The following OPN5 variants were observed in gnomAD, a reference collection of about 807,000 sequenced individuals.
OPN5 encodes opsin-5.
In OPN5, 18 loss-of-function variants were observed where a neutral mutation model predicts 41.7. That is an observed-to-expected ratio of 0.43 (90% CI 0.30 to 0.64). The LOEUF (loss-of-function observed/expected upper bound fraction) is 0.64, where lower values mean the gene tolerates loss of function less well. OPN5 is among the 30% of genes least tolerant of loss of function. The probability of loss-of-function intolerance (pLI) is 0.13; values close to 1 mark genes in which losing one functional copy is unlikely to be tolerated. For missense variants in OPN5, 318 were observed against 434.5 expected, an observed-to-expected ratio of 0.73 and a Z score of 2.38; for synonymous variants, 178 against 164.3, an observed-to-expected ratio of 1.08 and a Z score of -0.64.
exon 5 of OPN5, chr6:47,808,229 G>A (rs765041131): frequency 1.9e-6 from 3 of 1,613,854 alleles, no homozygotes. Flanking sequence ...GTCAGCTTTT[G>A]GAAGGCCAGA....
At chr6:47,797,031 T>C (rs1215041516) in intron 4 of OPN5, among the ~76,000 whole-genome samples, 1 of 152,282 alleles carries the variant, frequency 6.6e-6, no homozygotes, top group East Asian at 1.9e-4. Flanking sequence ...CTTGTGAGAC[T>C]TATTCACTAT....
chr6:47,790,914 C>T (rs1354505438), intron 2 of OPN5, among the ~76,000 whole-genome samples: 2 of 152,152 alleles, frequency 1.3e-5, no homozygotes, highest in African/African-American at 2.4e-5. Context: ...CCATATTCCT[C>T]CTAGAAGGAT....
At chr6:47,787,048 G>C in intron 2 of OPN5, 12 of 988,548 alleles carry the variant, frequency 1.2e-5, no homozygotes, top group Non-Finnish European at 1.4e-5. Flanking sequence ...AATCTTGAAG[G>C]GTAAATGACA....
In OPN5 at chr6:47,795,636, C is replaced by T. The variant is rs1773532041; in HGVS notation, c.756+73C>T. The stretch of plus-strand genomic sequence containing the variant: ...TTCATAGGGTACAAAGGATAGGGAA[C>T]GTTGGAGACTGAGAGAACTTAGAAT... On this transcript the variant is annotated intron_variant, in intron 4 of 6. Transcript: ENST00000371211. 2.1e-5 allele frequency: 21 copies of T among 1,013,144 alleles called. No homozygotes were observed. The South Asian group carries it at 2.4e-4, about 11-fold the overall frequency. The allele number at this position is 1,013,144 out of a possible 1,614,324, so 62.8% of individuals were successfully genotyped here.
At chr6:47,823,993 A>G (rs750613516) in exon 7 of OPN5, 2 of 1,550,128 alleles carry the variant, frequency 1.3e-6, no homozygotes, top group South Asian at 2.4e-5. Context: ...TGGGAATAAC[A>G]AATGTTCTGG....
intron 3 of OPN5, 109 bp downstream of exon 3, chr6:47,792,081 A>G: frequency 1.4e-6 from 1 of 727,212 alleles, no homozygotes; most frequent in Admixed American, 2.8e-5. Context: ...ATAACCTCAG[A>G]GATCAAGAAT....
intron 1 of OPN5, among the ~76,000 whole-genome samples, chr6:47,784,631 C>T (rs1447424878): frequency 6.6e-6 from 1 of 151,974 alleles, no homozygotes; most frequent in Admixed American, 6.6e-5. Context: ...TTTAAGGAGC[C>T]AGAGTGGAAT....
rs762665853 is a variant in OPN5 at position 47,782,161 on chromosome 6, C to T, written c.95C>T (p.Ala32Val). 69 of 1,613,360 alleles carry T rather than the reference C, an allele frequency of 4.3e-5. No homozygotes were observed. The highest frequency in any genetic ancestry group is 2.3e-4 in the Admixed American group (14 of 59,984). ...TTTGCTTCCAAACTTTCTTGGGAAG[C>T]GGATTTAGTGGCTGGCTTTTACCTA... is the stretch of plus-strand genomic sequence containing the variant. Residue 32 changes from alanine to valine, a missense_variant, in exon 1 of 7, where the codon GCG becomes GTG. Transcript: ENST00000371211.
intron 5 of OPN5, among the ~76,000 whole-genome samples, chr6:47,809,224 G>A (rs893345003): frequency 1.3e-5 from 2 of 152,042 alleles, no homozygotes; most frequent in Admixed American, 6.6e-5. Context: ...TGAGGTGAGG[G>A]GTGTTGAGAT....
rs117842608 is a variant in OPN5 at position 47,818,145 on chromosome 6, C to T, written c.1057-5838C>T. The stretch of plus-strand genomic sequence containing the variant: ...GTGGTATTCACTTCCAATAGCCGCC[C>T]GATCCACATATATACACATCCAAAT... On this transcript the variant is annotated intron_variant, in intron 6 of 6. Coordinates refer to ENST00000371211, the Ensembl canonical transcript of OPN5. 3.3e-3 allele frequency among the ~76,000 whole-genome samples: 502 copies of T among 152,150 alleles called. 16 individuals carry two copies. Among genetic ancestry groups the T allele is most frequent in the East Asian group, 0.023 (118 of 5,170 alleles).
At chr6:47,825,094 A>G (rs12174338), downstream of OPN5, 21,658 of 152,102 alleles carry the variant, frequency 0.14, 1,595 homozygotes, top group African/African-American at 0.19. Context: ...AATGAATGAG[A>G]AGGGCCAGCC....
At chr6:47,820,780 AC>A (rs1762598944) in intron 6 of OPN5, among the ~76,000 whole-genome samples, 2 of 152,078 alleles carry the variant, frequency 1.3e-5, no homozygotes, top group Non-Finnish European at 2.9e-5. Context: ...AGTACAGTCG[AC>A]CCTTGAACAA....
chr6:47,819,656 A>G (rs1018267212), intron 6 of OPN5, among the ~76,000 whole-genome samples: 1 of 151,996 alleles, frequency 6.6e-6, no homozygotes, highest in African/African-American at 2.4e-5. Flanking sequence ...TAAGTTCTGC[A>G]CTTCAGAATG....
intron 2 of OPN5, among the ~76,000 whole-genome samples, chr6:47,789,693 G>T (rs370580611): frequency 1.3e-5 from 2 of 152,274 alleles, no homozygotes; most frequent in South Asian, 4.1e-4. Flanking sequence ...ATTGCAGAAG[G>T]CATTCAGTGA....
intron 4 of OPN5, among the ~76,000 whole-genome samples, chr6:47,806,649 G>A (rs1379397827): frequency 6.6e-6 from 1 of 152,108 alleles, no homozygotes; most frequent in Non-Finnish European, 1.5e-5. Flanking sequence ...ACCTACTAGT[G>A]TCTCAAAGAA....
intron 3 of OPN5, 131 bp from the exon 4 acceptor site, chr6:47,795,098 C>T: frequency 1.4e-6 from 1 of 717,550 alleles, no homozygotes; most frequent in Non-Finnish European, 2.2e-6. Context: ...CTCCCTCAGG[C>T]TTCAGTTATC....
chr6:47,803,355 A>ACTGT (rs1207295981), intron 4 of OPN5, among the ~76,000 whole-genome samples: 6 of 152,156 alleles, frequency 3.9e-5, no homozygotes, highest in Non-Finnish European at 8.8e-5. Context: ...AACTGGAATT[A>ACTGT]CTGTCTTTTA....
chr6:47,811,727 A>G (rs1299251610), exon 6 of OPN5: 1 of 1,608,330 alleles, frequency 6.2e-7, no homozygotes, highest in Non-Finnish European at 8.5e-7. Flanking sequence ...GAAATTCATG[A>G]AGAGGTATGA....
rs184857016 is a variant in OPN5, at chr6:47,808,063, G to A, written c.757-91G>A. On this transcript the variant is annotated intron_variant, in intron 4 of 6. Coordinates refer to ENST00000371211, the Ensembl canonical transcript of OPN5. ...ATGACAGACTTTCTTGGCTGTGAGA[G>A]GTGACCTGATCCTTCTCCATACCCA... 1.8e-5 allele frequency: 22 copies of A among 1,220,904 alleles called. No homozygotes were observed. In the East Asian group the frequency reaches 4.7e-4, roughly 26 times the overall value. 75.6% of individuals were successfully genotyped at this position (1,220,904 alleles called of 1,614,324 possible). A position where few individuals can be genotyped will look rare whatever the true frequency, so the allele number is the denominator to read the frequency against.
Sources: allele counts gnomAD v4.1 joint callset (sites outside exome capture counted in the v4.1 genomes callset), GRCh38; gene constraint gnomAD v4.1.1; transcripts MANE v1.5; gene names NCBI Gene and HGNC (gene_info 2026-07-23, HGNC 2026-07-21).